Variants in NDRG2 observed in about 807,000 individuals in gnomAD.
NDRG2 encodes the protein NDRG family member 2, also known as protein NDRG2.
A neutral mutation model predicts 58.2 loss-of-function variants in NDRG2; 34 were observed. The ratio of observed to expected loss-of-function variants is 0.58; its 90% CI spans 0.44 to 0.78. NDRG2 has a LOEUF of 0.78. NDRG2 is among the 30% of genes least tolerant of loss of function. The pLI is 0.00. For synonymous variants in NDRG2, 187 were observed against 175.9 expected, an observed-to-expected ratio of 1.06 and a Z score of -0.50; for missense variants, 434 against 471.2, an observed-to-expected ratio of 0.92 and a Z score of 0.73.
chr14:21,048,417 T>C (rs1482007753), intron 1 of NDRG2: 1 of 152,160 alleles, frequency 6.6e-6, no homozygotes, highest in African/African-American at 2.4e-5. Flanking sequence ...ATACACACTG[T>C]GATAGAACGC....
At chr14:21,019,580 T>A in intron 10 of NDRG2, 59 bp downstream of exon 10, 1 of 1,148,336 alleles carries the variant, frequency 8.7e-7, no homozygotes, top group Admixed American at 1.9e-5. Flanking sequence ...GCCTCCCCCA[T>A]GACGCCCAAT....
At chr14:21,045,825 T>C (rs1254640774) in intron 1 of NDRG2, among the ~76,000 whole-genome samples, 1 of 152,222 alleles carries the variant, frequency 6.6e-6, no homozygotes, top group Admixed American at 6.5e-5. Context: ...CAGGTCAGAA[T>C]AGTTGTAGCC....
At chr14:21,036,154 C>T (rs1324935710) in intron 1 of NDRG2, 2 of 455,776 alleles carry the variant, frequency 4.4e-6, no homozygotes, top group Middle Eastern at 3.3e-4. Flanking sequence ...TTAAACTTTT[C>T]CCAAGCCCAT....
chr14:21,018,139 G>C (rs1197186354), intron 14 of NDRG2, 65 bp downstream of exon 14: 1 of 1,604,932 alleles, frequency 6.2e-7, no homozygotes, highest in African/African-American at 1.3e-5. Flanking sequence ...GTGGCAAAGG[G>C]CAGAGCCCAG....
Position 21,019,909 on chromosome 14 carries a change from C to A in NDRG2, c.612+11G>T, listed in dbSNP as rs201485635. The A allele has an allele frequency of 1.9e-6, 3 of 1,613,914 alleles. No individual in the cohort carries two copies. Among genetic ancestry groups the A allele is most frequent in the African/African-American group, 1.3e-5 (1 of 75,040 alleles). On this transcript the variant is annotated intron_variant, in intron 9 of 15. Coordinates refer to ENST00000556147, the MANE Select transcript of NDRG2 (RefSeq NM_001320329.2). ...CCCGTCGACTCTTCTACATCTCCTA[C>A]ACCCACTTACCTGGCTGAAAAGATG...
rs926999509 is a variant in NDRG2, at chr14:21,024,995, G to A, written c.-972C>T. 15 of 985,734 alleles carry A rather than the reference G, an allele frequency of 1.5e-5. No homozygotes were observed. The African/African-American group carries it at 2.4e-4, about 16-fold the overall frequency. 61.1% of individuals were successfully genotyped at this position (985,734 alleles called of 1,614,324 possible). On this transcript the variant is annotated 5_prime_UTR_variant, in exon 1 of 16. Transcript: ENST00000556147. The stretch of plus-strand genomic sequence containing the variant: ...CCGCCGGCCCGGCTGGCGCCTTCCA[G>A]GCCCTACGGCCCCTCGCCTGCCCCT...
At chr14:21,023,533 C>T in intron 1 of NDRG2, 1 of 569,992 alleles carries the variant, frequency 1.8e-6, no homozygotes, top group Non-Finnish European at 3.1e-6. Flanking sequence ...CAGGACAGCC[C>T]TTCTCTTGAT....
chr14:21,040,682 T>C (rs1247604376), intron 1 of NDRG2, among the ~76,000 whole-genome samples: 1 of 152,230 alleles, frequency 6.6e-6, no homozygotes, highest in African/African-American at 2.4e-5. Context: ...GACACACTGC[T>C]GTTCCTCCAA....
chr14:21,058,637 C>A (rs1191819354), intron 1 of NDRG2, among the ~76,000 whole-genome samples: 1 of 152,152 alleles, frequency 6.6e-6, no homozygotes, highest in Non-Finnish European at 1.5e-5. Flanking sequence ...TTTGGTGAGG[C>A]CTGTGGCTCA....
intron 1 of NDRG2, among the ~76,000 whole-genome samples, chr14:21,064,289 C>T (rs1368917010): frequency 1.3e-5 from 2 of 151,510 alleles, no homozygotes; most frequent in African/African-American, 4.9e-5. Flanking sequence ...AGTGAACAAC[C>T]ACTTGATGCC....
At position 21,032,778 on chromosome 14, in the gene NDRG2, T is replaced by C. The variant is rs560465005; in HGVS notation, c.25-9457A>G. ...AGGATTCCAAGAGCAGGAGTTCTGG[T>C]GCACTGAAGAAAAAGCAATTAAATC... On this transcript the variant is annotated intron_variant, in intron 1 of 14. Transcript: ENST00000403829. 1.9e-3 allele frequency: 700 copies of C among 372,190 alleles called. 2 individuals carry two copies. Among genetic ancestry groups the C allele is most frequent in the African/African-American group, 0.014 (649 of 47,010 alleles). The allele number at this position is 372,190 out of a possible 1,614,324, so 23.1% of individuals were successfully genotyped here. A position where few individuals can be genotyped will look rare whatever the true frequency, so the allele number is the denominator to read the frequency against.
chr14:21,045,972 G>C (rs2139121104), intron 1 of NDRG2, among the ~76,000 whole-genome samples: 1 of 152,160 alleles, frequency 6.6e-6, no homozygotes, highest in South Asian at 2.1e-4. Context: ...AAGGCAGCAG[G>C]TGGTCATAAA....
At chr14:21,034,272 G>A (rs113995906) in intron 1 of NDRG2, 25,933 of 1,611,602 alleles carry the variant, frequency 0.016, 304 homozygotes, top group Middle Eastern at 0.031. Flanking sequence ...AAGGAGCCGG[G>A]TCACAGCTGG....
intron 1 of NDRG2, chr14:21,043,098 TCA>T: frequency 6.2e-7 from 1 of 1,614,116 alleles, no homozygotes; most frequent in African/African-American, 1.3e-5. Flanking sequence ...CATGACCTCA[TCA>T]CAGTGGTTTA....
intron 1 of NDRG2, among the ~76,000 whole-genome samples, chr14:21,036,911 C>T (rs772013173): frequency 1.4e-4 from 21 of 152,210 alleles, no homozygotes; most frequent in Non-Finnish European, 2.9e-4. Context: ...CAACACTGAG[C>T]GGGTGCCAAT....
intron 1 of NDRG2, among the ~76,000 whole-genome samples, chr14:21,040,069 C>A (rs956497879): frequency 6.6e-6 from 1 of 152,156 alleles, no homozygotes; most frequent in African/African-American, 2.4e-5. Context: ...TGGTTTAAAC[C>A]GTGGATTTTA....
intron 1 of NDRG2, among the ~76,000 whole-genome samples, chr14:21,053,119 G>T (rs1175357197): frequency 2.0e-5 from 3 of 152,150 alleles, no homozygotes; most frequent in Non-Finnish European, 2.9e-5. Context: ...ACAGAACTGG[G>T]TGCCTGATAT....
At position 21,020,450 on chromosome 14, in the gene NDRG2, G is replaced by A. The variant is rs765770574; in HGVS notation, c.555+46C>T. 7.3e-6 allele frequency: 11 copies of A among 1,503,792 alleles called. No homozygotes were observed. The African/African-American group carries it at 9.7e-5, about 13-fold the overall frequency. 93.2% of individuals were successfully genotyped at this position (1,503,792 alleles called of 1,614,324 possible). ...TACCAGAGCCTAACTGGATCCATAC[G>A]AGGGGATCCCCAACCGTAGGTCTCA... is the stretch of plus-strand genomic sequence containing the variant. On this transcript the variant is annotated intron_variant, in intron 8 of 15. Coordinates refer to ENST00000556147, the MANE Select transcript of NDRG2 (RefSeq NM_001320329.2).
chr14:21,045,550 G>C (rs2139120215), intron 1 of NDRG2, among the ~76,000 whole-genome samples: 1 of 152,264 alleles, frequency 6.6e-6, no homozygotes, highest in Admixed American at 6.5e-5. Context: ...CAAGATACTT[G>C]GGGCAGCCGA....
Sources: allele counts gnomAD v4.1 joint callset (sites outside exome capture counted in the v4.1 genomes callset), GRCh38; gene constraint gnomAD v4.1.1; transcripts MANE v1.5; gene names NCBI Gene and HGNC (gene_info 2026-07-23, HGNC 2026-07-21).